SRSF9: variants seen among roughly 807,000 people sequenced by gnomAD.
SRSF9 encodes the protein serine and arginine rich splicing factor 9, also known as serine/arginine-rich splicing factor 9.
SRSF9 carries 3 observed loss-of-function variants against 25.9 expected under a neutral mutation model. The observed-to-expected ratio is 0.12, with a 90% CI of 0.05 to 0.30. The LOEUF (loss-of-function observed/expected upper bound fraction) is 0.30. SRSF9 is among the 10% of genes least tolerant of loss of function. The pLI, the probability that SRSF9 is intolerant of heterozygous loss-of-function variation, is 1.00. For synonymous variants in SRSF9, 114 were observed against 113.2 expected, an observed-to-expected ratio of 1.01 and a Z score of -0.05; for missense variants, 161 against 303.5, an observed-to-expected ratio of 0.53 and a Z score of 3.49.
chr12:120,462,183 A>C, intron 3 of SRSF9, 21 bp from the exon 4 acceptor site: 1 of 1,595,556 alleles, frequency 6.3e-7, no homozygotes, highest in Non-Finnish European at 8.5e-7. Flanking sequence ...AACAAAAACA[A>C]AAAGAGTAAA....
chr12:120,462,040 G>C lies in SRSF9; in HGVS notation c.645C>G (p.Phe215Leu). The change falls in exon 4 of 4, where the codon TTC (phenylalanine) becomes TTG (leucine). Residue 215 changes from phenylalanine to leucine, a missense_variant. By Grantham distance (22) the Phe-to-Leu change is conservative. Transcript: ENST00000229390. Reference protein sequence around the residue: ...PYQSRGSPHYFSPFRPY With the variant: ...PYQSRGSPHYLSPFRPY ...TGTCTCAGTAGGGCCTGAAAGGAGA[G>C]AAGTAGTGTGGGGAACCCCTGCTTT... 1 of 1,611,632 alleles carries C rather than the reference G, an allele frequency of 6.2e-7. No homozygotes were observed. The highest frequency in any genetic ancestry group is 8.5e-7 in the Non-Finnish European group (1 of 1,179,682).
intron 1 of SRSF9, among the ~76,000 whole-genome samples, chr12:120,468,195 C>T (rs906960237): frequency 1.3e-5 from 2 of 151,032 alleles, no homozygotes; most frequent in Non-Finnish European, 1.5e-5. Flanking sequence ...CAATTTGATC[C>T]GCTGAGACGG....
At chr12:120,463,903 G>A in intron 3 of SRSF9, 47 bp downstream of exon 3, 1 of 1,559,830 alleles carries the variant, frequency 6.4e-7, no homozygotes, top group Non-Finnish European at 8.7e-7. Context: ...TCAGGTTCAA[G>A]TGGAGTGATT....
chr12:120,463,986 C>G lies in SRSF9; in HGVS notation c.486G>C (p.Leu162=), dbSNP rs769288084. Residue 162 remains leucine, a synonymous_variant, in exon 3 of 4, where the codon CTG becomes CTC. Transcript: ENST00000229390. Reference sequence around the variant, plus strand: ...GGAATTTGGTGTCATCCAGTTTACGCAGGGCATATTCCATGTCTTCTTTTC... The same window carrying G: ...GGAATTTGGTGTCATCCAGTTTACGGAGGGCATATTCCATGTCTTCTTTTC... ...YLRKEDMEYA[L]RKLDDTKFRS... is the part of the protein sequence containing the mutation. The G allele has an allele frequency of 6.2e-7, 1 of 1,613,502 alleles. No individual in the cohort carries two copies. The highest frequency in any genetic ancestry group is 1.1e-5 in the South Asian group (1 of 90,988).
chr12:120,466,277 G>A (rs545219994), intron 1 of SRSF9, among the ~76,000 whole-genome samples: 1 of 152,260 alleles, frequency 6.6e-6, no homozygotes, highest in African/African-American at 2.4e-5. Flanking sequence ...TACTTGAGAG[G>A]CTGAGATGGG....
intron 2 of SRSF9, chr12:120,464,966 A>G (rs1878450833): frequency 6.6e-6 from 1 of 152,194 alleles, no homozygotes; most frequent in Non-Finnish European, 1.5e-5. Context: ...AGCACATGGG[A>G]GTATGCTGTG....
rs145336316 is a variant in SRSF9, at chr12:120,466,044, A to G, written c.189-257T>C. Among the ~76,000 whole-genome samples, 135 of 152,352 alleles carry G rather than the reference A, an allele frequency of 8.9e-4. 1 individual carries two copies. The highest frequency in any genetic ancestry group is 3.2e-3 in the African/African-American group (131 of 41,572). On this transcript the variant is annotated intron_variant, in intron 1 of 3. Coordinates refer to ENST00000229390, the MANE Select transcript of SRSF9 (RefSeq NM_003769.3). ...TAATGAATGAGCAAACAGATTACTC[A>G]TAAGAGGGCTAATTCAGAGAAAAAA...
At chr12:120,467,577 T>G (rs1413942993) in intron 1 of SRSF9, among the ~76,000 whole-genome samples, 2 of 151,436 alleles carry the variant, frequency 1.3e-5, no homozygotes, top group Non-Finnish European at 2.9e-5. Context: ...CATCTCTGGG[T>G]AAGTGTTTAA....
At chr12:120,463,915 G>A (rs756259723) in intron 3 of SRSF9, 35 bp downstream of exon 3, 25 of 1,570,952 alleles carry the variant, frequency 1.6e-5, no homozygotes, top group East Asian at 1.6e-4. Flanking sequence ...GGAGTGATTT[G>A]AGTACAAGCT....
chr12:120,465,876 T>A, intron 1 of SRSF9, 89 bp from the exon 2 acceptor site: 3 of 1,311,860 alleles, frequency 2.3e-6, no homozygotes, highest in Non-Finnish European at 2.1e-6. Flanking sequence ...GCATGAGTAG[T>A]AAGCATAAAA....
chr12:120,462,977 C>T (rs905148044), intron 3 of SRSF9: 11 of 152,210 alleles, frequency 7.2e-5, no homozygotes, highest in African/African-American at 2.7e-4. Flanking sequence ...ACAAAAGCAT[C>T]ATTAAACCAG....
intron 1 of SRSF9, among the ~76,000 whole-genome samples, chr12:120,466,531 T>A (rs894283644): frequency 6.6e-6 from 1 of 152,080 alleles, no homozygotes; most frequent in African/African-American, 2.4e-5. Context: ...TGTTTTGTGA[T>A]GAATGTGGAA....
intron 1 of SRSF9, among the ~76,000 whole-genome samples, chr12:120,467,556 T>C (rs772761029): frequency 6.6e-6 from 1 of 152,148 alleles, no homozygotes; most frequent in Non-Finnish European, 1.5e-5. Flanking sequence ...ATTCTGCAAA[T>C]TACTAGTAGT....
At chr12:120,465,536 A>G (rs1878463594) in intron 2 of SRSF9, 91 bp downstream of exon 2, 1 of 1,398,134 alleles carries the variant, frequency 7.2e-7, no homozygotes, top group Non-Finnish European at 9.4e-7. Flanking sequence ...TGTCCCATGC[A>G]CTGAAGAATA....
chr12:120,469,169 G>A (rs929956179), intron 1 of SRSF9, among the ~76,000 whole-genome samples: 4 of 152,148 alleles, frequency 2.6e-5, no homozygotes, highest in African/African-American at 9.7e-5. Context: ...GCCCTCCAAA[G>A]GCTCAGCTTT....
At chr12:120,468,250 T>C (rs992197466) in intron 1 of SRSF9, among the ~76,000 whole-genome samples, 4 of 151,686 alleles carry the variant, frequency 2.6e-5, no homozygotes, top group African/African-American at 4.8e-5. Flanking sequence ...CTGAGCAACA[T>C]GGTGAAACCC....
chr12:120,469,694 GCTCCGA>G lies in SRSF9; in HGVS notation c.-91_-86del. On this transcript the variant is annotated 5_prime_UTR_variant, in exon 1 of 4. Transcript: ENST00000229390. ...GGGTCCCCCCGCAGCGTCCCCGCGG[GCTCCGA>G]GGCGCTCAGCCGCACTGCATTGTGG... 1.2e-6 allele frequency: 1 copy of G among 857,038 alleles called. No individual in the cohort carries two copies. Among genetic ancestry groups the G allele is most frequent in the Non-Finnish European group, 1.5e-6 (1 of 663,374 alleles). 53.1% of individuals were successfully genotyped at this position (857,038 alleles called of 1,614,324 possible).
chr12:120,465,003 G>C (rs886192808), intron 2 of SRSF9: 4 of 152,076 alleles, frequency 2.6e-5, no homozygotes, highest in Admixed American at 2.0e-4. Flanking sequence ...ATCTTAAAAA[G>C]GTGCCAGGCT....
At chr12:120,463,503 T>G (rs1565916662) in intron 3 of SRSF9, 2 of 152,812 alleles carry the variant, frequency 1.3e-5, no homozygotes, top group African/African-American at 4.8e-5. Flanking sequence ...GGGAAAAAAG[T>G]GAAGTGACAG....
Sources: allele counts gnomAD v4.1 joint callset (sites outside exome capture counted in the v4.1 genomes callset), GRCh38; gene constraint gnomAD v4.1.1; transcripts MANE v1.5; gene names NCBI Gene and HGNC (gene_info 2026-07-23, HGNC 2026-07-21).